ASB2: variants seen among roughly 807,000 people sequenced by gnomAD.
ASB2 encodes the protein ankyrin repeat and SOCS box containing 2, also known as ankyrin repeat and SOCS box protein 2.
Under a neutral mutation model 62.4 loss-of-function variants are expected in ASB2, and 58 were observed. The observed-to-expected ratio is 0.93, with a 90% confidence interval of 0.75 to 1.16. The LOEUF (loss-of-function observed/expected upper bound fraction) is 1.16. ASB2 is among the 50% of genes most tolerant of loss of function. ASB2 has a pLI of 0.00. For missense variants in ASB2, 928 were observed against 887.9 expected, an observed-to-expected ratio of 1.05 and a Z score of -0.57; for synonymous variants, 386 against 385.3, an observed-to-expected ratio of 1.00 and a Z score of -0.02.
At chr14:93,970,931 A>G (rs1313206886) in intron 1 of ASB2, among the ~76,000 whole-genome samples, 1 of 152,202 alleles carries the variant, frequency 6.6e-6, no homozygotes, top group African/African-American at 2.4e-5. Context: ...GGTGGCCCCT[A>G]AAAATCTGCT....
Position 93,956,854 on chromosome 14 carries a change from C to T in ASB2, c.223G>A (p.Glu75Lys), listed in dbSNP as rs1385037001. ...ATTGGGGCCCGGGCCGGCGAACTCT[C>T]AGGAGGTGCAGTGGACCTGGAGGGT... ...YPWTRSTAPP[E>K]SSPARAPMGL... Residue 75 changes from glutamate (E) to lysine (K), a missense_variant, in exon 3 of 10, where the codon GAG becomes AAG. Coordinates refer to ENST00000555019, the MANE Select transcript of ASB2 (RefSeq NM_001202429.2). 3 of 1,614,192 alleles carry T rather than the reference C, an allele frequency of 1.9e-6. No individual in the cohort carries two copies. Among genetic ancestry groups the T allele is most frequent in the Non-Finnish European group, 8.5e-7 (1 of 1,180,024 alleles).
intron 7 of ASB2, chr14:93,943,784 A>C (rs1030110803): frequency 2.8e-6 from 1 of 358,806 alleles, no homozygotes; most frequent in African/African-American, 2.1e-5. Flanking sequence ...TCTGAGCCTC[A>C]GTTTCTCTTT....
At chr14:93,940,482 A>T (rs1888475184) in intron 7 of ASB2, 1 of 152,184 alleles carries the variant, frequency 6.6e-6, no homozygotes, top group Admixed American at 6.5e-5. Context: ...CGAGATCCTG[A>T]GGACAAAAGG....
intron 2 of ASB2, among the ~76,000 whole-genome samples, chr14:93,961,861 G>A (rs1386392255): frequency 6.6e-6 from 1 of 152,182 alleles, no homozygotes; most frequent in Non-Finnish European, 1.5e-5. Context: ...CTCAAGGTGG[G>A]GTAGGGGAAG....
chr14:93,972,427 G>T (rs1215455178), intron 1 of ASB2, among the ~76,000 whole-genome samples: 1 of 152,142 alleles, frequency 6.6e-6, no homozygotes, highest in Non-Finnish European at 1.5e-5. Context: ...TTAAGCTGGT[G>T]CCTGTGGGTC....
At position 93,954,457 on chromosome 14, in the gene ASB2, A is replaced by T. The variant is rs1406636148; in HGVS notation, c.338T>A (p.Ile113Asn). 10 of 1,614,046 alleles carry T rather than the reference A, an allele frequency of 6.2e-6. No individual in the cohort carries two copies. The highest frequency in any genetic ancestry group is 7.6e-6 in the Non-Finnish European group (9 of 1,180,040). ...LAPADPLIKA[I>N]KDGDEEALKT... ...CAAGGCCTCTTCATCGCCATCCTTG[A>T]TGGCCTTTATCAAGGGGTCCGCAGG... The change falls in exon 4 of 10, where the codon ATC (isoleucine) becomes AAC (asparagine). Residue 113 changes from isoleucine to asparagine, a missense_variant. Transcript: ENST00000555019.
intron 7 of ASB2, chr14:93,942,332 T>A: frequency 2.2e-6 from 1 of 453,542 alleles, no homozygotes; most frequent in South Asian, 1.5e-5. Flanking sequence ...CCCTCCCCAA[T>A]GCAGAGGCCA....
intron 7 of ASB2, among the ~76,000 whole-genome samples, chr14:93,942,916 G>T (rs548042434): frequency 6.6e-6 from 1 of 152,308 alleles, no homozygotes; most frequent in South Asian, 2.1e-4. Flanking sequence ...CCAGTGGGTT[G>T]CTGTGAGCAC....
At chr14:93,955,826 T>C (rs890252822) in intron 3 of ASB2, among the ~76,000 whole-genome samples, 1 of 152,096 alleles carries the variant, frequency 6.6e-6, no homozygotes, top group Admixed American at 6.5e-5. Flanking sequence ...GACGGGACCC[T>C]AGAGGTCACG....
At chr14:93,968,812 A>G (rs766878916) in intron 1 of ASB2, among the ~76,000 whole-genome samples, 1 of 152,226 alleles carries the variant, frequency 6.6e-6, no homozygotes, top group African/African-American at 2.4e-5. Flanking sequence ...TCGTAACCCC[A>G]GGACCTAACC....
At chr14:93,956,577 G>A (rs1323940477) in intron 3 of ASB2, among the ~76,000 whole-genome samples, 189 bp downstream of exon 3, 1 of 152,202 alleles carries the variant, frequency 6.6e-6, no homozygotes, top group Non-Finnish European at 1.5e-5. Context: ...GAAGTCTGTG[G>A]CCACCAAGCC....
chr14:93,957,678 T>C (rs1186888993), intron 2 of ASB2, among the ~76,000 whole-genome samples: 1 of 152,164 alleles, frequency 6.6e-6, no homozygotes, highest in Non-Finnish European at 1.5e-5. Context: ...CCACATGTAC[T>C]CACTCTTCAT....
chr14:93,949,732 G>A (rs180991854), intron 6 of ASB2, among the ~76,000 whole-genome samples: 136 of 152,264 alleles, frequency 8.9e-4, no homozygotes, highest in African/African-American at 3.1e-3. Context: ...TCAGAGTGTC[G>A]GTGGGAGACC....
Position 93,934,172 on chromosome 14 carries a change from G to A in ASB2, c.*484C>T, listed in dbSNP as rs1042487823. 26 of 454,530 alleles carry A rather than the reference G, an allele frequency of 5.7e-5. No homozygotes were observed. The highest frequency in any genetic ancestry group is 3.5e-4 in the Admixed American group (15 of 42,416). 28.2% of individuals were successfully genotyped at this position (454,530 alleles called of 1,614,324 possible). On this transcript the variant is annotated 3_prime_UTR_variant, in exon 10 of 10. Transcript: ENST00000555019. ...GGACTTCACTGGGCAGGTGTCACAT[G>A]TGTAACATTTATTATATTAATACTT... is the stretch of plus-strand genomic sequence containing the variant.
chr14:93,956,190 G>A lies in ASB2; in HGVS notation c.311+576C>T, dbSNP rs530342369. ...GAGGCAGAATTATTTTCTAAGGAGC[G>A]CATTAGCCCTGCCCCCTGGTGCCAG... On this transcript the variant is annotated intron_variant, in intron 3 of 9. Coordinates refer to ENST00000555019, the MANE Select transcript of ASB2 (RefSeq NM_001202429.2). Among the ~76,000 whole-genome samples the A allele has an allele frequency of 2.2e-4, 34 of 152,266 alleles. No individual in the cohort carries two copies. The East Asian group carries it at 3.9e-3, about 17-fold the overall frequency.
chr14:93,960,643 C>T (rs1350272374), intron 2 of ASB2, among the ~76,000 whole-genome samples: 1 of 152,214 alleles, frequency 6.6e-6, no homozygotes, highest in Non-Finnish European at 1.5e-5. Context: ...AGGTCTGTCC[C>T]TTTGGGGTCC....
chr14:93,954,096 T>C, intron 4 of ASB2: 1 of 565,958 alleles, frequency 1.8e-6, no homozygotes, highest in Non-Finnish European at 3.1e-6. Context: ...TTCTAGGAAT[T>C]AGGCTCTCCT....
intron 1 of ASB2, among the ~76,000 whole-genome samples, chr14:93,969,243 G>A (rs996606739): frequency 2.0e-5 from 3 of 152,174 alleles, no homozygotes; most frequent in African/African-American, 7.2e-5. Flanking sequence ...GTCGTAGGCT[G>A]GTGACAGCTG....
intron 4 of ASB2, 160 bp downstream of exon 4, chr14:93,954,157 C>T (rs1399308283): frequency 7.8e-6 from 5 of 640,702 alleles, no homozygotes; most frequent in African/African-American, 5.5e-5. Context: ...CAACTCATTT[C>T]CCCTCTCGTA....
Sources: allele counts gnomAD v4.1 joint callset (sites outside exome capture counted in the v4.1 genomes callset), GRCh38; gene constraint gnomAD v4.1.1; transcripts MANE v1.5; gene names NCBI Gene and HGNC (gene_info 2026-07-23, HGNC 2026-07-21).